CSMD1: variants seen among roughly 807,000 people sequenced by gnomAD.
The protein encoded by CSMD1 is CUB and Sushi multiple domains 1, also known as CUB and sushi domain-containing protein 1.
CSMD1 carries 213 observed loss-of-function variants against 417.5 expected under a neutral mutation model. That is an observed-to-expected ratio of 0.51 (90% confidence interval 0.46 to 0.57). The LOEUF (loss-of-function observed/expected upper bound fraction) is 0.57. Among genes scored for constraint, CSMD1 ranks in the 20% least tolerant of loss-of-function variants. The pLI is 0.00. For synonymous variants in CSMD1, 2,862 were observed against 1,736.8 expected (o/e 1.65, Z -16.11); for missense variants, 6,923 against 4,529.7 (o/e 1.53, Z -15.17).
intron 20 of CSMD1, among the ~76,000 whole-genome samples, chr8:3,361,023 G>C (rs374435501): frequency 2.0e-5 from 3 of 151,946 alleles, no homozygotes; most frequent in African/African-American, 4.8e-5. Flanking sequence ...TTATCTTTGC[G>C]TTTAGATAAG....
chr8:4,180,725 T>C (rs1158239448), intron 3 of CSMD1, among the ~76,000 whole-genome samples: 1 of 151,972 alleles, frequency 6.6e-6, no homozygotes, highest in African/African-American at 2.4e-5. Context: ...CTTAGAAAAA[T>C]GGAAACATGG....
At chr8:3,052,848 C>T (rs1330866288) in intron 49 of CSMD1, among the ~76,000 whole-genome samples, 2 of 148,992 alleles carry the variant, frequency 1.3e-5, no homozygotes, top group Admixed American at 1.3e-4. Flanking sequence ...ATGACTCGAT[C>T]TCAGCTCACT....
Position 4,175,043 on chromosome 8 carries a change from C to A in CSMD1, c.416-142944G>T, listed in dbSNP as rs538642474. 3.8e-4 allele frequency among the ~76,000 whole-genome samples: 57 copies of A among 151,848 alleles called. 1 individual carries two copies. The highest frequency in any genetic ancestry group is 1.4e-3 in the African/African-American group (56 of 41,380). On this transcript the variant is annotated intron_variant, in intron 3 of 69. Coordinates refer to ENST00000635120, the MANE Select transcript of CSMD1 (RefSeq NM_033225.6). ...CACTTTAAGTATATTACATTCCTTTCTAAGTGAACCCTGGGCATCTTTCAC... is the reference window on the plus strand; with the variant it reads ...CACTTTAAGTATATTACATTCCTTTATAAGTGAACCCTGGGCATCTTTCAC...
chr8:4,582,697 G>A (rs902776981), intron 2 of CSMD1, among the ~76,000 whole-genome samples: 6 of 152,322 alleles, frequency 3.9e-5, no homozygotes, highest in Admixed American at 1.3e-4. Context: ...CGCTCTCGGC[G>A]CCTCCTCTGC....
At chr8:4,128,969 G>T (rs1427024180) in intron 3 of CSMD1, among the ~76,000 whole-genome samples, 1 of 150,764 alleles carries the variant, frequency 6.6e-6, no homozygotes, top group Admixed American at 6.6e-5. Context: ...CCAGCTACTT[G>T]GGAAGCTGAG....
At chr8:4,543,839 G>T (rs941019326) in intron 2 of CSMD1, among the ~76,000 whole-genome samples, 2 of 152,072 alleles carry the variant, frequency 1.3e-5, no homozygotes, top group East Asian at 1.9e-4. Context: ...TAGGAATGTG[G>T]TGGTATCTGA....
intron 2 of CSMD1, among the ~76,000 whole-genome samples, chr8:4,458,252 A>G (rs1799603240): frequency 6.6e-6 from 1 of 152,234 alleles, no homozygotes; most frequent in Non-Finnish European, 1.5e-5. Flanking sequence ...AAATGGTTGC[A>G]GAGTAACCAC....
intron 1 of CSMD1, among the ~76,000 whole-genome samples, chr8:4,729,309 A>T (rs1585009465): frequency 6.6e-6 from 1 of 152,226 alleles, no homozygotes; most frequent in Non-Finnish European, 1.5e-5. Context: ...TCGATGATCC[A>T]CACAAAGGTG....
chr8:4,174,548 G>T (rs1328919287), intron 3 of CSMD1, among the ~76,000 whole-genome samples: 1 of 150,728 alleles, frequency 6.6e-6, no homozygotes, highest in African/African-American at 2.5e-5. Flanking sequence ...TCTCAAAAGA[G>T]ATGTTTTTAT....
chr8:4,653,075 A>G (rs1013259221), intron 1 of CSMD1, among the ~76,000 whole-genome samples: 1 of 151,982 alleles, frequency 6.6e-6, no homozygotes, highest in African/African-American at 2.4e-5. Flanking sequence ...CCCGCTCTAG[A>G]GGATGTGTTT....
intron 5 of CSMD1, among the ~76,000 whole-genome samples, chr8:3,831,411 A>G (rs1429244022): frequency 6.6e-6 from 1 of 152,110 alleles, no homozygotes; most frequent in African/African-American, 2.4e-5. Context: ...TGCCCTCACA[A>G]TGACCAAAGC....
At chr8:4,691,212 G>A (rs1486943195) in intron 1 of CSMD1, among the ~76,000 whole-genome samples, 4 of 152,302 alleles carry the variant, frequency 2.6e-5, no homozygotes, top group South Asian at 2.1e-4. Context: ...CAAACTCCTA[G>A]GGATGGGCTG....
At chr8:3,203,751 T>C (rs1312990578) in intron 31 of CSMD1, among the ~76,000 whole-genome samples, 1 of 152,188 alleles carries the variant, frequency 6.6e-6, no homozygotes, top group Non-Finnish European at 1.5e-5. Context: ...TGCTTAGATT[T>C]GTGTTTTAGA....
chr8:3,710,028 C>T (rs530326944), intron 6 of CSMD1, among the ~76,000 whole-genome samples: 4 of 151,868 alleles, frequency 2.6e-5, no homozygotes, highest in African/African-American at 4.8e-5. Context: ...GAAAATAGCC[C>T]ACTCTTGACC....
intron 6 of CSMD1, among the ~76,000 whole-genome samples, chr8:3,725,982 G>A (rs1479410470): frequency 6.6e-6 from 1 of 152,178 alleles, no homozygotes; most frequent in Non-Finnish European, 1.5e-5. Flanking sequence ...GTAATTGTGT[G>A]TGACTACGGA....
At chr8:3,912,732 C>A (rs905762102) in intron 5 of CSMD1, among the ~76,000 whole-genome samples, 1 of 152,092 alleles carries the variant, frequency 6.6e-6, no homozygotes, top group Admixed American at 6.5e-5. Flanking sequence ...CCAAGATGAG[C>A]CTGAAGAGGC....
rs146259504 is a variant in CSMD1, at chr8:4,013,208, G to A, written c.611-15098C>T. Among the ~76,000 whole-genome samples the A allele has an allele frequency of 1.1e-4, 16 of 152,018 alleles. No homozygotes were observed. In the East Asian group the frequency reaches 2.3e-3, roughly 22 times the overall value. ...CTACAGGGCCCACTCCTATCCTCTGGGATCCTCCGGGACCTTTCCCCTCTC... is the reference window on the plus strand; with the variant it reads ...CTACAGGGCCCACTCCTATCCTCTGAGATCCTCCGGGACCTTTCCCCTCTC... On this transcript the variant is annotated intron_variant, in intron 4 of 69. Transcript: ENST00000635120.
intron 15 of CSMD1, among the ~76,000 whole-genome samples, chr8:3,400,544 A>G (rs1341064549): frequency 6.6e-6 from 1 of 152,058 alleles, no homozygotes; most frequent in Non-Finnish European, 1.5e-5. Context: ...AATACAGAAA[A>G]AATAAAAGCA....
chr8:4,593,049 A>G (rs759885559), intron 2 of CSMD1, among the ~76,000 whole-genome samples: 57 of 152,128 alleles, frequency 3.7e-4, no homozygotes, highest in Non-Finnish European at 8.2e-4. Context: ...GGGTTTGTAA[A>G]TCACTGGTGT....
Sources: allele counts gnomAD v4.1 joint callset (sites outside exome capture counted in the v4.1 genomes callset), GRCh38; gene constraint gnomAD v4.1.1; transcripts MANE v1.5; gene names NCBI Gene and HGNC (gene_info 2026-07-23, HGNC 2026-07-21).